Variants in SBF2 observed in about 807,000 individuals in gnomAD.
SBF2 encodes myotubularin-related protein 13.
SBF2 carries 112 observed loss-of-function variants against 225.2 expected under a neutral mutation model. That is an observed-to-expected ratio of 0.50 (90% CI 0.43 to 0.58). SBF2 has a LOEUF of 0.58. SBF2 is among the 20% of genes least tolerant of loss of function. The pLI, the probability that SBF2 is intolerant of heterozygous loss-of-function variation, is 0.00. For synonymous variants in SBF2, 763 were observed against 773.3 expected, an observed-to-expected ratio of 0.99 and a Z score of 0.22; for missense variants, 1,996 against 2,206.2, an observed-to-expected ratio of 0.90 and a Z score of 1.91.
intron 1 of SBF2, among the ~76,000 whole-genome samples, chr11:10,245,754 T>C (rs974757717): frequency 6.6e-6 from 1 of 152,194 alleles, no homozygotes; most frequent in Non-Finnish European, 1.5e-5. Context: ...TAAATGTCCA[T>C]TGACAGATAA....
intron 1 of SBF2, chr11:10,302,668 G>A (rs1964608710): frequency 6.6e-6 from 1 of 152,292 alleles, no homozygotes; most frequent in Non-Finnish European, 1.5e-5. Context: ...AGAGGAGTTT[G>A]AACCAAGGGC....
chr11:9,797,786 T>A (rs10770064), intron 32 of SBF2, among the ~76,000 whole-genome samples: 3 of 151,948 alleles, frequency 2.0e-5, no homozygotes, highest in African/African-American at 2.4e-5. Context: ...CTGGGCAACA[T>A]AGTGAGACCT....
At chr11:9,842,586 T>A (rs548098648) in intron 25 of SBF2, 39 bp downstream of exon 25, 2 of 1,602,056 alleles carry the variant, frequency 1.2e-6, no homozygotes, top group East Asian at 4.5e-5. Flanking sequence ...ATATAAGAAA[T>A]AAAGTTGAAT....
At position 9,779,928 on chromosome 11, in the gene SBF2, C is replaced by G. The variant is rs1851908321; in HGVS notation, c.*490G>C. The G allele has an allele frequency of 4.6e-6, 1 of 217,698 alleles. No individual in the cohort carries two copies. The highest frequency in any genetic ancestry group is 9.4e-6 in the Non-Finnish European group (1 of 106,862). The allele number at this position is 217,698 out of a possible 1,614,324, so 13.5% of individuals were successfully genotyped here. On this transcript the variant is annotated 3_prime_UTR_variant, in exon 40 of 40. Transcript: ENST00000256190. Reference sequence around the variant, plus strand: ...AGCATCTTTTGGCAGCACCAGAGAACTGAGCATCTCAAAGGTCAGGCATTA... The same window carrying G: ...AGCATCTTTTGGCAGCACCAGAGAAGTGAGCATCTCAAAGGTCAGGCATTA...
chr11:9,893,597 G>A (rs1861009814), intron 17 of SBF2, among the ~76,000 whole-genome samples: 1 of 152,218 alleles, frequency 6.6e-6, no homozygotes, highest in African/African-American at 2.4e-5. Flanking sequence ...TAAAGTTTCA[G>A]TGGTACCCCA....
intron 16 of SBF2, among the ~76,000 whole-genome samples, chr11:9,905,830 G>C (rs1291475576): frequency 6.6e-6 from 1 of 151,846 alleles, no homozygotes; most frequent in African/African-American, 2.4e-5. Flanking sequence ...GAAAGGAGAG[G>C]GAGAAAAGAA....
intron 26 of SBF2, among the ~76,000 whole-genome samples, chr11:9,834,198 T>G (rs1855598299): frequency 6.6e-6 from 1 of 151,754 alleles, no homozygotes; most frequent in Admixed American, 6.6e-5. Context: ...GTTCAAGCAA[T>G]TCTCCTGCCT....
intron 16 of SBF2, among the ~76,000 whole-genome samples, chr11:9,925,975 T>C (rs1438914171): frequency 6.6e-6 from 1 of 152,074 alleles, no homozygotes; most frequent in African/African-American, 2.4e-5. Flanking sequence ...ACGTTTTCCA[T>C]GAAATTAGTT....
chr11:10,276,195 G>C (rs1353604796), intron 1 of SBF2, among the ~76,000 whole-genome samples: 2 of 152,128 alleles, frequency 1.3e-5, no homozygotes, highest in African/African-American at 4.8e-5. Context: ...ATTTTCAAAA[G>C]CATTTTCAAT....
chr11:9,960,656 A>C (rs1866503893), intron 16 of SBF2: 1 of 151,328 alleles, frequency 6.6e-6, no homozygotes, highest in Admixed American at 6.6e-5. Flanking sequence ...ACACTGTCTT[A>C]AATAATAATA....
chr11:10,079,548 T>A, intron 2 of SBF2, among the ~76,000 whole-genome samples: 1 of 152,142 alleles, frequency 6.6e-6, no homozygotes, highest in Non-Finnish European at 1.5e-5. Flanking sequence ...GACAAAAGTT[T>A]TTTAAAAAAG....
At chr11:9,833,116 T>C (rs193235464) in intron 26 of SBF2, among the ~76,000 whole-genome samples, 109 of 152,324 alleles carry the variant, frequency 7.2e-4, no homozygotes, top group Non-Finnish European at 5.7e-4. Context: ...CTGCCTGAGA[T>C]GGTGAAAGGC....
intron 16 of SBF2, among the ~76,000 whole-genome samples, chr11:9,900,799 C>T (rs929408246): frequency 1.3e-5 from 2 of 152,162 alleles, no homozygotes; most frequent in African/African-American, 4.8e-5. Flanking sequence ...TGCAGTGGCA[C>T]AATCATAGTT....
chr11:9,930,494 T>A (rs553783935), intron 16 of SBF2, among the ~76,000 whole-genome samples: 11 of 152,258 alleles, frequency 7.2e-5, no homozygotes, highest in Admixed American at 2.0e-4. Flanking sequence ...GGGGAGAGTA[T>A]CCTTTGTATC....
intron 2 of SBF2, among the ~76,000 whole-genome samples, chr11:10,062,830 G>T (rs575207093): frequency 1.3e-5 from 2 of 152,044 alleles, no homozygotes; most frequent in African/African-American, 4.8e-5. Context: ...CAGCAATCTC[G>T]TTACTGAGTA....
At chr11:10,292,776 T>G (rs1336612289) in intron 1 of SBF2, among the ~76,000 whole-genome samples, 1 of 151,960 alleles carries the variant, frequency 6.6e-6, no homozygotes, top group Non-Finnish European at 1.5e-5. Context: ...TTCCCACACT[T>G]AATCTTGATA....
rs917455992 is a variant in SBF2 at position 9,943,170 on chromosome 11, T to C, written c.1860+18787A>G. ...TATGAAATAAATTCTTCTGGGGCAA[T>C]TGGTTATTCATTTGCAAAAAATTAA... is the stretch of plus-strand genomic sequence containing the variant. On this transcript the variant is annotated intron_variant, in intron 16 of 39. Coordinates refer to ENST00000256190, the MANE Select transcript of SBF2 (RefSeq NM_030962.4). Among the ~76,000 whole-genome samples the C allele has an allele frequency of 4.6e-5, 7 of 152,288 alleles. No individual in the cohort carries two copies. The East Asian group carries it at 7.7e-4, about 17-fold the overall frequency.
intron 1 of SBF2, among the ~76,000 whole-genome samples, chr11:10,279,825 T>C (rs140033030): frequency 0.015 from 2,352 of 151,928 alleles, 69 homozygotes; most frequent in African/African-American, 0.055. Context: ...AATTTTGGTA[T>C]TGTTAGTAGA....
intron 2 of SBF2, among the ~76,000 whole-genome samples, chr11:10,086,823 T>C (rs1036656691): frequency 2.0e-5 from 3 of 152,212 alleles, no homozygotes; most frequent in African/African-American, 7.2e-5. Context: ...TTTATAATAC[T>C]GTGGTCCAGA....
Sources: allele counts gnomAD v4.1 joint callset (sites outside exome capture counted in the v4.1 genomes callset), GRCh38; gene constraint gnomAD v4.1.1; transcripts MANE v1.5; gene names NCBI Gene and HGNC (gene_info 2026-07-23, HGNC 2026-07-21).